ZNF724: variants seen among roughly 807,000 people sequenced by gnomAD.
The protein encoded by ZNF724 is zinc finger protein 724 pseudogene.
A neutral mutation model predicts 29.3 loss-of-function variants in ZNF724; 14 were observed. The observed-to-expected ratio is 0.48, with a 90% CI of 0.32 to 0.75. ZNF724 has a LOEUF of 0.75. Among genes scored for constraint, ZNF724 ranks in the 30% least tolerant of loss-of-function variants. The probability of loss-of-function intolerance (pLI) is 0.04; values close to 1 mark genes in which losing one functional copy is unlikely to be tolerated. For missense variants in ZNF724, 557 were observed against 571.2 expected (o/e 0.98, Z 0.25); for synonymous variants, 180 against 193.6 (o/e 0.93, Z 0.58).
At chr19:23,226,939 TA>T (rs1053798033) in intron 3 of ZNF724, among the ~76,000 whole-genome samples, 2 of 150,912 alleles carry the variant, frequency 1.3e-5, no homozygotes, top group African/African-American at 2.4e-5. Flanking sequence ...AAACCAACAC[TA>T]AAAAAAACAC....
At chr19:23,224,830 C>T (rs1476756464) in intron 3 of ZNF724, among the ~76,000 whole-genome samples, 3 of 152,080 alleles carry the variant, frequency 2.0e-5, no homozygotes, top group African/African-American at 7.2e-5. Context: ...TGGTGGGCAC[C>T]TGTAGTCCCA....
At chr19:23,246,859 ATTCTTT>A (rs1447189343) in intron 1 of ZNF724, among the ~76,000 whole-genome samples, 1 of 152,150 alleles carries the variant, frequency 6.6e-6, no homozygotes, top group Non-Finnish European at 1.5e-5. Flanking sequence ...AATTTTCCTT[ATTCTTT>A]TCCTTGATAG....
intron 1 of ZNF724, among the ~76,000 whole-genome samples, chr19:23,247,884 CCTT>C (rs910295988): frequency 1.8e-4 from 27 of 152,184 alleles, no homozygotes; most frequent in Admixed American, 8.5e-4. Flanking sequence ...AGGGCATTCA[CCTT>C]CTTCTTGAGA....
In ZNF724 at chr19:23,233,214, T is replaced by C. The variant is rs1033192585; in HGVS notation, c.4-921A>G. On this transcript the variant is annotated intron_variant, in intron 1 of 3. Transcript: ENST00000418100. ...GTATCTTCTATCTTGATACAGGATATCTTAAGATACAGGAATCTTCTATTC... is the reference window on the plus strand; with the variant it reads ...GTATCTTCTATCTTGATACAGGATACCTTAAGATACAGGAATCTTCTATTC... Among the ~76,000 whole-genome samples, 13 of 152,312 alleles carry C rather than the reference T, an allele frequency of 8.5e-5. No individual in the cohort carries two copies. In the East Asian group the frequency reaches 2.5e-3, roughly 29 times the overall value.
Position 23,222,044 on chromosome 19 carries a change from C to T in ZNF724, c.*341G>A. 2 of 238,126 alleles carry T rather than the reference C, an allele frequency of 8.4e-6. No homozygotes were observed. Among genetic ancestry groups the T allele is most frequent in the South Asian group, 1.6e-4 (2 of 12,774 alleles). The allele number at this position is 238,126 out of a possible 1,614,324, so 14.8% of individuals were successfully genotyped here. On this transcript the variant is annotated 3_prime_UTR_variant, in exon 4 of 4. Coordinates refer to ENST00000418100, the MANE Select transcript of ZNF724 (RefSeq NM_001355404.2). ...TGTGAACAGATATTAATGGCTTCTT[C>T]ACATTCTTTACATTTGCATAATTTT... is the stretch of plus-strand genomic sequence containing the variant.
chr19:23,246,842 G>C (rs1232511518), intron 1 of ZNF724, among the ~76,000 whole-genome samples: 1 of 152,068 alleles, frequency 6.6e-6, no homozygotes, highest in African/African-American at 2.4e-5. Context: ...AGCCAAAATG[G>C]AAGAGAAATT....
chr19:23,244,901 G>A (rs1972210413), intron 1 of ZNF724, among the ~76,000 whole-genome samples: 1 of 152,184 alleles, frequency 6.6e-6, no homozygotes, highest in South Asian at 2.1e-4. Flanking sequence ...GAAAAACACT[G>A]TAGTTATGTT....
intron 1 of ZNF724, among the ~76,000 whole-genome samples, chr19:23,244,057 T>C (rs1390635887): frequency 6.6e-6 from 1 of 151,412 alleles, no homozygotes; most frequent in Non-Finnish European, 1.5e-5. Flanking sequence ...TAAACCTGCA[T>C]GTGTACCTCT....
intron 1 of ZNF724, among the ~76,000 whole-genome samples, chr19:23,239,465 A>G (rs78796251): frequency 0.016 from 2,447 of 152,322 alleles, 59 homozygotes; most frequent in African/African-American, 0.055. Context: ...CTTCACCTGA[A>G]TGACTTTTGG....
chr19:23,228,277 C>A (rs553934129), intron 3 of ZNF724, among the ~76,000 whole-genome samples: 1 of 151,734 alleles, frequency 6.6e-6, no homozygotes, highest in East Asian at 2.0e-4. Flanking sequence ...TGGTGAAACA[C>A]TTTCCCTACT....
At chr19:23,238,469 C>T (rs115190331) in intron 1 of ZNF724, among the ~76,000 whole-genome samples, 1,545 of 152,286 alleles carry the variant, frequency 0.01, 20 homozygotes, top group African/African-American at 0.034. Context: ...GTTTCTTTAG[C>T]TGTAAATATG....
chr19:23,232,083 G>A, intron 2 of ZNF724, 84 bp downstream of exon 2: 1 of 1,094,198 alleles, frequency 9.1e-7, no homozygotes, highest in South Asian at 1.3e-5. Flanking sequence ...TTTATGCAAA[G>A]ATCAATTACC....
At chr19:23,226,076 G>T (rs1420028673) in intron 3 of ZNF724, among the ~76,000 whole-genome samples, 1 of 136,182 alleles carries the variant, frequency 7.3e-6, no homozygotes, top group Non-Finnish European at 1.5e-5. Flanking sequence ...TTTTGAGATG[G>T]AGTCTCGCTC....
At chr19:23,236,336 T>C (rs1433922328) in intron 1 of ZNF724, 4 of 152,156 alleles carry the variant, frequency 2.6e-5, no homozygotes, top group Admixed American at 1.3e-4. Flanking sequence ...CTGGCTGAAA[T>C]TGCACCTTCA....
intron 3 of ZNF724, among the ~76,000 whole-genome samples, chr19:23,224,972 A>C (rs1322410251): frequency 6.7e-6 from 1 of 148,800 alleles, no homozygotes; most frequent in East Asian, 2.0e-4. Flanking sequence ...AAAACAAACA[A>C]ACAACAACAA....
At position 23,243,475 on chromosome 19, in the gene ZNF724, C is replaced by CAA. The variant is rs61241201; in HGVS notation, c.3+6763_3+6764dup. On this transcript the variant is annotated intron_variant, in intron 1 of 3. Transcript: ENST00000418100. ...TGAGTGACAGAGCGAGAGTCCATCT[C>CAA]AAAAAAAAAAAAAAAAAAAAAAAAA... Among the ~76,000 whole-genome samples, 307 of 31,024 alleles carry CAA rather than the reference C, an allele frequency of 9.9e-3. 44 individuals carry two copies. The highest frequency in any genetic ancestry group is 0.03 in the African/African-American group (195 of 6,490). The allele number at this position is 31,024 out of a possible 152,430, so 20.4% of individuals were successfully genotyped here.
Position 23,224,904 on chromosome 19 carries a change from G to A in ZNF724, c.227-886C>T, listed in dbSNP as rs185003820. 2.9e-3 allele frequency among the ~76,000 whole-genome samples: 442 copies of A among 151,472 alleles called. 3 individuals are homozygous for A. The highest frequency in any genetic ancestry group is 9.9e-3 in the African/African-American group (407 of 41,232). ...TGGGAGGCAGATGTTGCAGTGAGCC[G>A]AGATCACACCACTGCACTCCAGCCT... On this transcript the variant is annotated intron_variant, in intron 3 of 3. Transcript: ENST00000418100.
At chr19:23,230,141 CAT>C (rs1971910364) in intron 3 of ZNF724, among the ~76,000 whole-genome samples, 1 of 151,948 alleles carries the variant, frequency 6.6e-6, no homozygotes, top group Non-Finnish European at 1.5e-5. Context: ...TTGATAATAG[CAT>C]TAAAATAATA....
At chr19:23,232,035 C>T in intron 2 of ZNF724, 132 bp downstream of exon 2, 2 of 853,024 alleles carry the variant, frequency 2.3e-6, no homozygotes, top group Non-Finnish European at 3.7e-6. Context: ...CCACGCTTGG[C>T]CCCCAAGATT....
Sources: gnomAD v4.1 joint callset for allele counts (sites outside exome capture counted in the v4.1 genomes callset) on GRCh38, gnomAD v4.1.1 for gene constraint, MANE v1.5 for transcripts, NCBI Gene and HGNC (gene_info 2026-07-23, HGNC 2026-07-21) for gene names.